The following SNX25 variants were observed in gnomAD, a reference collection of about 807,000 sequenced individuals.
SNX25 encodes the protein sorting nexin-25.
Under a neutral mutation model 113.7 loss-of-function variants are expected in SNX25, and 62 were observed. The ratio of observed to expected loss-of-function variants is 0.55; its 90% CI spans 0.44 to 0.67. The LOEUF is 0.67. Among genes scored for constraint, SNX25 ranks in the 30% least tolerant of loss-of-function variants. The probability of loss-of-function intolerance (pLI) is 0.00; values close to 1 mark genes in which losing one functional copy is unlikely to be tolerated. For missense variants in SNX25, 1,014 were observed against 1,161.0 expected, an observed-to-expected ratio of 0.87 and a Z score of 1.84; for synonymous variants, 421 against 436.2, an observed-to-expected ratio of 0.97 and a Z score of 0.43.
At chr4:185,221,852 A>G (rs3108265) in intron 1 of SNX25, among the ~76,000 whole-genome samples, 98,685 of 151,374 alleles carry the variant, frequency 0.65, 32,239 homozygotes, top group East Asian at 0.75. Flanking sequence ...TCTTTATACC[A>G]CAGTCATCAG....
In SNX25 at chr4:185,332,585, C is replaced by T. The variant is rs1384397244; in HGVS notation, c.1750-10C>T. ...TTATAAGATATGGTGGTATGTGACT[C>T]TCCCCCTAGGGCCCAAGAGATGAGG... On this transcript the variant is annotated splice_polypyrimidine_tract_variant and intron_variant, in intron 9 of 18. Coordinates refer to ENST00000652585, the MANE Select transcript of SNX25 (RefSeq NM_001378034.2). The T allele has an allele frequency of 1.2e-6, 2 of 1,600,602 alleles. No homozygotes were observed. The highest frequency in any genetic ancestry group is 1.7e-6 in the Non-Finnish European group (2 of 1,173,070).
At chr4:185,374,566 A>G (rs1197554296), downstream of SNX25, 1 of 1,208,738 alleles carries the variant, frequency 8.3e-7, no homozygotes. Flanking sequence ...GACACGATGT[A>G]TAATACTATG....
At chr4:185,233,652 A>G (rs1211975942) in intron 1 of SNX25, among the ~76,000 whole-genome samples, 1 of 152,086 alleles carries the variant, frequency 6.6e-6, no homozygotes, top group Non-Finnish European at 1.5e-5. Context: ...TCAAACTGCT[A>G]TCTGCCTGTG....
At chr4:185,233,556 G>C (rs1303642336) in intron 1 of SNX25, among the ~76,000 whole-genome samples, 2 of 151,804 alleles carry the variant, frequency 1.3e-5, no homozygotes, top group Non-Finnish European at 2.9e-5. Context: ...TTATTGTCAG[G>C]GTTTTCAGTT....
intron 9 of SNX25, among the ~76,000 whole-genome samples, chr4:185,329,839 C>T (rs953694121): frequency 6.6e-6 from 1 of 151,996 alleles, no homozygotes; most frequent in Admixed American, 6.6e-5. Flanking sequence ...CTCACAGTCC[C>T]CTTCAGGTTA....
rs554321988 is a variant in SNX25 at position 185,319,336 on chromosome 4, T to C, written c.1345-1397T>C. On this transcript the variant is annotated intron_variant, in intron 7 of 18. Coordinates refer to ENST00000652585, the MANE Select transcript of SNX25 (RefSeq NM_001378034.2). ...CCTCAGCCTCCCAAGTAGCTGGGAT[T>C]ACAGGCATGCACCACCACGCCCAGC... Among the ~76,000 whole-genome samples the C allele has an allele frequency of 2.2e-4, 33 of 149,792 alleles. 2 individuals carry two copies. In the South Asian group the frequency reaches 6.9e-3, roughly 32 times the overall value.
chr4:185,222,486 G>T (rs117866827), intron 1 of SNX25, among the ~76,000 whole-genome samples: 1 of 150,884 alleles, frequency 6.6e-6, no homozygotes, highest in Non-Finnish European at 1.5e-5. Context: ...CCTCCCTCTC[G>T]GTAGGTTTAC....
chr4:185,377,268 C>T, the SNX25 span: 1 of 414,240 alleles, frequency 2.4e-6, no homozygotes, highest in Non-Finnish European at 4.4e-6. Flanking sequence ...CTGTAAATCT[C>T]AGCACTCTGG....
At chr4:185,224,634 T>C (rs1324641139) in intron 1 of SNX25, among the ~76,000 whole-genome samples, 6 of 146,718 alleles carry the variant, frequency 4.1e-5, no homozygotes, top group Non-Finnish European at 7.5e-5. Context: ...TATATAAGTA[T>C]ATATAGATAT....
At chr4:185,304,994 G>T (rs766051861) in intron 6 of SNX25, among the ~76,000 whole-genome samples, 2 of 152,136 alleles carry the variant, frequency 1.3e-5, no homozygotes, top group Non-Finnish European at 2.9e-5. Context: ...GGGAAGGAGG[G>T]TGCGGCCTTG....
intron 5 of SNX25, among the ~76,000 whole-genome samples, chr4:185,280,014 A>G (rs1056200941): frequency 6.6e-6 from 1 of 151,992 alleles, no homozygotes; most frequent in African/African-American, 2.4e-5. Flanking sequence ...TTGACCTCCC[A>G]TGCTCCGTCA....
rs781051584 is a variant in SNX25 at position 185,259,105 on chromosome 4, T to G, written c.731+41T>G. On this transcript the variant is annotated intron_variant, in intron 3 of 18. Coordinates refer to ENST00000652585, the MANE Select transcript of SNX25 (RefSeq NM_001378034.2). ...AACTTACCCCCTTTTTTGCATTAAT[T>G]TTTTTTAATTGAGTAAAAGGTCAAA... is the stretch of plus-strand genomic sequence containing the variant. 4 of 1,555,680 alleles carry G rather than the reference T, an allele frequency of 2.6e-6. No homozygotes were observed. The South Asian group carries it at 3.4e-5, about 13-fold the overall frequency.
At chr4:185,320,463 C>A (rs1198580786) in intron 7 of SNX25, among the ~76,000 whole-genome samples, 1 of 152,044 alleles carries the variant, frequency 6.6e-6, no homozygotes, top group Non-Finnish European at 1.5e-5. Context: ...ACAACACACA[C>A]CAGGGCCTAT....
downstream of SNX25, chr4:185,370,890 C>G: frequency 2.7e-6 from 4 of 1,477,586 alleles, no homozygotes; most frequent in Admixed American, 1.7e-5. Context: ...CGCCTAGAGA[C>G]TGTCCTTGTG....
Position 185,264,405 on chromosome 4 carries a change from C to T in SNX25, c.732-33C>T, listed in dbSNP as rs528233594. On this transcript the variant is annotated intron_variant, in intron 3 of 18. Coordinates refer to ENST00000652585, the MANE Select transcript of SNX25 (RefSeq NM_001378034.2). ...TACATAATTGAATTGTTTCTAGAAA[C>T]TTCTTTCCTTCTTTTTCACTCTCTT... 21 of 1,593,128 alleles carry T rather than the reference C, an allele frequency of 1.3e-5. No homozygotes were observed. The South Asian group carries it at 2.4e-4, about 18-fold the overall frequency.
At chr4:185,240,957 G>T (rs1743835039) in intron 1 of SNX25, among the ~76,000 whole-genome samples, 1 of 150,536 alleles carries the variant, frequency 6.6e-6, no homozygotes, top group Non-Finnish European at 1.5e-5. Flanking sequence ...TCCTAGATGG[G>T]ATGGCGGCCG....
intron 4 of SNX25, among the ~76,000 whole-genome samples, chr4:185,265,698 T>A (rs532273280): frequency 3.9e-5 from 6 of 152,354 alleles, no homozygotes; most frequent in East Asian, 1.9e-4. Flanking sequence ...TTAATTTTTT[T>A]AAACTTTTTG....
chr4:185,354,667 C>G (rs930387682), intron 15 of SNX25, among the ~76,000 whole-genome samples: 2 of 152,230 alleles, frequency 1.3e-5, no homozygotes, highest in Non-Finnish European at 2.9e-5. Context: ...ACAAGTGCCT[C>G]TCCCTGAAAG....
At chr4:185,241,155 G>C (rs1259733003) in intron 1 of SNX25, among the ~76,000 whole-genome samples, 1 of 151,758 alleles carries the variant, frequency 6.6e-6, no homozygotes, top group African/African-American at 2.4e-5. Context: ...GTAGCGAGCC[G>C]AGATCACGCC....
Sources: allele counts gnomAD v4.1 joint callset (sites outside exome capture counted in the v4.1 genomes callset), GRCh38; gene constraint gnomAD v4.1.1; transcripts MANE v1.5; gene names NCBI Gene and HGNC (gene_info 2026-07-23, HGNC 2026-07-21).